The following PLEKHG1 variants were observed in gnomAD, a reference collection of about 807,000 sequenced individuals.
The protein encoded by PLEKHG1 is pleckstrin homology and RhoGEF domain containing G1.
A neutral mutation model predicts 100.8 loss-of-function variants in PLEKHG1; 44 were observed. The ratio of observed to expected loss-of-function variants is 0.44; its 90% CI spans 0.34 to 0.56. The LOEUF (loss-of-function observed/expected upper bound fraction) is 0.56. Ranked by LOEUF, PLEKHG1 falls within the 20% of genes least tolerant of loss-of-function variation. PLEKHG1 has a pLI of 0.01. For missense variants in PLEKHG1, 1,545 were observed against 1,720.9 expected (o/e 0.90, Z 1.81); for synonymous variants, 640 against 662.5 (o/e 0.97, Z 0.52).
At chr6:150,753,439 T>C (rs2128630513) in intron 2 of PLEKHG1, among the ~76,000 whole-genome samples, 1 of 152,324 alleles carries the variant, frequency 6.6e-6, no homozygotes, top group Non-Finnish European at 1.5e-5. Context: ...CTTACGGTGA[T>C]GCCCTTAACC....
chr6:150,772,748 C>T (rs988425539), intron 3 of PLEKHG1, among the ~76,000 whole-genome samples: 3 of 152,152 alleles, frequency 2.0e-5, no homozygotes, highest in African/African-American at 7.2e-5. Context: ...GTATATTATC[C>T]ATTGGTGATG....
At chr6:150,670,553 A>G (rs528634097) in intron 3 of PLEKHG1, among the ~76,000 whole-genome samples, 3 of 152,298 alleles carry the variant, frequency 2.0e-5, no homozygotes, top group African/African-American at 7.2e-5. Context: ...CCAACATGTC[A>G]GTCCTAGAAC....
intron 10 of PLEKHG1, among the ~76,000 whole-genome samples, chr6:150,816,168 C>G (rs1192069456): frequency 6.6e-6 from 1 of 151,946 alleles, no homozygotes; most frequent in South Asian, 2.1e-4. Flanking sequence ...CCAGTCTGCT[C>G]TCATCTTATT....
chr6:150,682,087 C>A (rs1779954891), intron 3 of PLEKHG1, among the ~76,000 whole-genome samples: 1 of 152,152 alleles, frequency 6.6e-6, no homozygotes, highest in Non-Finnish European at 1.5e-5. Flanking sequence ...TTCCCCCTTC[C>A]CCCACAGTTA....
At chr6:150,653,465 G>C (rs919818276) in intron 3 of PLEKHG1, among the ~76,000 whole-genome samples, 6 of 152,080 alleles carry the variant, frequency 3.9e-5, no homozygotes, top group African/African-American at 1.4e-4. Context: ...TAAACAGGCT[G>C]GGCGCAGTGG....
chr6:150,810,479 A>G (rs151262913), intron 10 of PLEKHG1, among the ~76,000 whole-genome samples: 15,481 of 112,060 alleles, frequency 0.14, 1,025 homozygotes, highest in Middle Eastern at 0.23. Flanking sequence ...AAAGAAAGAA[A>G]GAAAGAAGGA....
intron 1 of PLEKHG1, among the ~76,000 whole-genome samples, chr6:150,634,716 C>G (rs1371149812): frequency 6.6e-6 from 1 of 152,020 alleles, no homozygotes; most frequent in African/African-American, 2.4e-5. Flanking sequence ...GGAAGAAAAC[C>G]CATTAAAGTA....
At chr6:150,692,175 C>T (rs987167606) in intron 3 of PLEKHG1, among the ~76,000 whole-genome samples, 1 of 152,194 alleles carries the variant, frequency 6.6e-6, no homozygotes, top group Non-Finnish European at 1.5e-5. Flanking sequence ...CACATCACAA[C>T]TTAATGTTTG....
At chr6:150,770,820 G>A (rs988826004) in intron 3 of PLEKHG1, among the ~76,000 whole-genome samples, 3 of 152,216 alleles carry the variant, frequency 2.0e-5, no homozygotes, top group African/African-American at 7.2e-5. Context: ...CCAGAAAGAG[G>A]CAAGAGGGCT....
At chr6:150,611,259 G>C (rs1776815912) in intron 1 of PLEKHG1, among the ~76,000 whole-genome samples, 1 of 152,182 alleles carries the variant, frequency 6.6e-6, no homozygotes, top group African/African-American at 2.4e-5. Context: ...TGGTTTACCA[G>C]CTTAGAAATG....
chr6:150,730,590 C>T (rs564056296), intron 1 of PLEKHG1, among the ~76,000 whole-genome samples: 4 of 152,188 alleles, frequency 2.6e-5, no homozygotes, highest in African/African-American at 9.6e-5. Context: ...TGGACCGGTA[C>T]CGCACCCCTG....
intron 2 of PLEKHG1, among the ~76,000 whole-genome samples, chr6:150,649,176 C>G (rs1167785771): frequency 6.6e-6 from 1 of 152,144 alleles, no homozygotes; most frequent in Non-Finnish European, 1.5e-5. Context: ...ATTGTTTTTA[C>G]TCCTCCTATG....
In PLEKHG1 at chr6:150,674,632, C is replaced by CTCTCTCTCTCTCTCTCTCTCT. The variant is rs1562427503; in HGVS notation, c.-99+23846_-99+23847insTCTCTCTCTCTCTCTCTCTCT. On this transcript the variant is annotated intron_variant, in intron 3 of 3. Transcript: ENST00000367326. ...CACCTGTAACTTTCTCTCTCTCCTC[C>CTCTCTCTCTCTCTCTCTCTCT]CTCTCTCTCTCTCTCTCTCTCTCTC... 2.6e-4 allele frequency among the ~76,000 whole-genome samples: 17 copies of CTCTCTCTCTCTCTCTCTCTCT among 66,340 alleles called. 3 individuals are homozygous for CTCTCTCTCTCTCTCTCTCTCT. The highest frequency in any genetic ancestry group is 5.7e-4 in the Admixed American group (3 of 5,300). The allele number at this position is 66,340 out of a possible 152,430, so 43.5% of individuals were successfully genotyped here.
chr6:150,673,369 A>T (rs1466168330), intron 3 of PLEKHG1, among the ~76,000 whole-genome samples: 1 of 152,184 alleles, frequency 6.6e-6, no homozygotes, highest in Non-Finnish European at 1.5e-5. Context: ...CTCAGCCCCC[A>T]AGCCAGACAT....
At chr6:150,722,615 G>A (rs978587669) in intron 1 of PLEKHG1, among the ~76,000 whole-genome samples, 1 of 152,112 alleles carries the variant, frequency 6.6e-6, no homozygotes, top group African/African-American at 2.4e-5. Context: ...GGCTCCCAAA[G>A]TGCTGGGATT....
rs199981517 is a variant in PLEKHG1 at position 150,804,579 on chromosome 6, A to T, written c.781-31A>T. On this transcript the variant is annotated intron_variant, in intron 6 of 15. Coordinates refer to ENST00000358517, the Ensembl canonical transcript of PLEKHG1. ...TGTCTATATGAAAATAAAATGAAAA[A>T]AAAAAAAACCCTCGTTCTTTTTTGT... The T allele has an allele frequency of 1.0e-3, 1,606 of 1,545,316 alleles. 1 individual carries two copies. Among genetic ancestry groups the T allele is most frequent in the Non-Finnish European group, 1.3e-3 (1,449 of 1,150,200 alleles).
rs114701768 is a variant in PLEKHG1, at chr6:150,741,828, T to C, written c.411+7736T>C. Among the ~76,000 whole-genome samples the C allele has an allele frequency of 9.0e-3, 1,370 of 152,334 alleles. 22 individuals are homozygous for C. Among genetic ancestry groups the C allele is most frequent in the African/African-American group, 0.032 (1,312 of 41,568 alleles). On this transcript the variant is annotated intron_variant, in intron 2 of 15. Transcript: ENST00000358517. ...TCTAGAGCAGGCACCAGCAGTACCA[T>C]AGACGTTCTGGACTGCATAGTTCTT...
chr6:150,798,966 C>A (rs1322816831), intron 5 of PLEKHG1, among the ~76,000 whole-genome samples: 2 of 152,094 alleles, frequency 1.3e-5, no homozygotes, highest in African/African-American at 4.8e-5. Flanking sequence ...GTCTCGAACT[C>A]CTGACCTCAA....
exon 16 of PLEKHG1, chr6:150,839,911 G>A (rs1273608980): frequency 2.5e-6 from 4 of 1,613,974 alleles, no homozygotes; most frequent in South Asian, 1.1e-5. Context: ...CAGAAGGATG[G>A]CTGGGCCAGC....
Sources: gnomAD v4.1 joint callset for allele counts (sites outside exome capture counted in the v4.1 genomes callset) on GRCh38, gnomAD v4.1.1 for gene constraint, MANE v1.5 for transcripts, NCBI Gene and HGNC (gene_info 2026-07-23, HGNC 2026-07-21) for gene names.